The following ACACA variants were observed in gnomAD, a reference collection of about 807,000 sequenced individuals.
ACACA encodes acetyl-CoA carboxylase alpha, also known as acetyl-CoA carboxylase 1.
In ACACA, 103 loss-of-function variants were observed where a neutral mutation model predicts 296.1. That is an observed-to-expected ratio of 0.35 (90% CI 0.30 to 0.41). The LOEUF is 0.41. Among genes scored for constraint, ACACA ranks in the 10% least tolerant of loss-of-function variants. ACACA has a pLI of 1.00. For synonymous variants in ACACA, 953 were observed against 1,038.6 expected (o/e 0.92, Z 1.58); for missense variants, 1,554 against 2,989.7 (o/e 0.52, Z 11.20).
intron 16 of ACACA, 60 bp downstream of exon 16, chr17:37,251,945 T>A: frequency 2.0e-6 from 3 of 1,464,630 alleles, no homozygotes; most frequent in Non-Finnish European, 2.9e-6. Context: ...TCTTTGAGCT[T>A]CAGTCCCTGT....
At chr17:37,383,018 T>C (rs571472695) in intron 1 of ACACA, among the ~76,000 whole-genome samples, 12 of 152,206 alleles carry the variant, frequency 7.9e-5, no homozygotes, top group Non-Finnish European at 1.8e-4. Context: ...GTCTGGGCAA[T>C]AGAGCGAGAC....
At position 37,258,297 on chromosome 17, in the gene ACACA, G is replaced by A; in HGVS notation, c.1577C>T (p.Pro526Leu). Residue 526 changes from proline to leucine, a missense_variant, in exon 13 of 56, where the codon CCC becomes CTC. By Grantham distance (98) the Pro-to-Leu change is moderately conservative. Transcript: ENST00000616317. ...MYGVSPWGDS[P>L]IDFEDSAHVP... is the part of the protein sequence containing the mutation. ...GTGTGCAGAATCTTCAAAATCAATG[G>A]GAGAATCACCCCAGGGAGATACCCC... 1.2e-6 allele frequency: 2 copies of A among 1,613,976 alleles called. No homozygotes were observed. Among genetic ancestry groups the A allele is most frequent in the Non-Finnish European group, 1.7e-6 (2 of 1,179,934 alleles).
At chr17:37,238,283 C>T (rs2080211585) in intron 24 of ACACA, among the ~76,000 whole-genome samples, 1 of 148,268 alleles carries the variant, frequency 6.7e-6, no homozygotes, top group African/African-American at 2.5e-5. Context: ...TTCTTTCTTT[C>T]CTCTTTTTTT....
chr17:37,200,251 G>A (rs887493963), intron 34 of ACACA, 68 bp from the exon 35 acceptor site: 1 of 1,444,272 alleles, frequency 6.9e-7, no homozygotes, highest in African/African-American at 1.4e-5. Flanking sequence ...AAATCAAAAA[G>A]AAATTGAGTA....
chr17:37,139,861 G>T (rs1476440371), intron 45 of ACACA, among the ~76,000 whole-genome samples: 3 of 152,036 alleles, frequency 2.0e-5, no homozygotes, highest in African/African-American at 7.3e-5. Context: ...CACTACATTT[G>T]TTCTTGAGAC....
At chr17:37,170,961 T>C (rs556011660) in intron 41 of ACACA, among the ~76,000 whole-genome samples, 1 of 152,186 alleles carries the variant, frequency 6.6e-6, no homozygotes, top group Non-Finnish European at 1.5e-5. Flanking sequence ...GTGAAAGACA[T>C]ATCCATCAAC....
intron 41 of ACACA, among the ~76,000 whole-genome samples, chr17:37,171,612 T>C (rs952594027): frequency 6.6e-6 from 1 of 152,168 alleles, no homozygotes; most frequent in Non-Finnish European, 1.5e-5. Flanking sequence ...GCCTTATGGC[T>C]TACTTCAAAA....
At chr17:37,309,502 AG>A (rs1228572841) in intron 3 of ACACA, among the ~76,000 whole-genome samples, 1 of 152,224 alleles carries the variant, frequency 6.6e-6, no homozygotes, top group African/African-American at 2.4e-5. Context: ...TGGGAAAAAA[AG>A]GAACACTGTA....
At chr17:37,139,060 G>C (rs2075448988) in intron 45 of ACACA, among the ~76,000 whole-genome samples, 1 of 152,172 alleles carries the variant, frequency 6.6e-6, no homozygotes, top group African/African-American at 2.4e-5. Context: ...AGAGAGGAGA[G>C]GGGTTGACAG....
chr17:37,188,617 T>C (rs370262825), intron 38 of ACACA, 137 bp from the exon 39 acceptor site: 2 of 870,166 alleles, frequency 2.3e-6, no homozygotes, highest in Non-Finnish European at 1.8e-6. Context: ...TTACAAAAAG[T>C]GGTCAGATAG....
intron 41 of ACACA, among the ~76,000 whole-genome samples, chr17:37,167,807 A>C (rs2076741525): frequency 6.6e-6 from 1 of 152,010 alleles, no homozygotes; most frequent in Non-Finnish European, 1.5e-5. Flanking sequence ...TAACATTAAG[A>C]GAAGCTGGGA....
chr17:37,356,554 A>G (rs1184032761), intron 1 of ACACA, among the ~76,000 whole-genome samples: 3 of 151,766 alleles, frequency 2.0e-5, no homozygotes, highest in African/African-American at 7.3e-5. Context: ...AATTTTTTGT[A>G]TTTTTAGTAG....
chr17:37,225,458 C>A, intron 26 of ACACA: 2 of 259,820 alleles, frequency 7.7e-6, no homozygotes, highest in Non-Finnish European at 1.5e-5. Flanking sequence ...GGAATCAGGT[C>A]TGGCAGGGAG....
At chr17:37,329,994 G>A (rs918135866) in intron 3 of ACACA, among the ~76,000 whole-genome samples, 179 bp downstream of exon 3, 3 of 152,004 alleles carry the variant, frequency 2.0e-5, no homozygotes, top group African/African-American at 7.2e-5. Flanking sequence ...AAATTTGATG[G>A]GAACATACAT....
At chr17:37,149,393 C>T (rs1361769023) in intron 45 of ACACA, among the ~76,000 whole-genome samples, 2 of 152,154 alleles carry the variant, frequency 1.3e-5, no homozygotes, top group Non-Finnish European at 2.9e-5. Context: ...TAGGCCGGTA[C>T]CTAATTCATG....
chr17:37,371,895 G>A (rs1463749058), intron 1 of ACACA, among the ~76,000 whole-genome samples: 4 of 151,396 alleles, frequency 2.6e-5, no homozygotes, highest in Admixed American at 1.3e-4. Flanking sequence ...GCGAGACTAC[G>A]TCTCAAAAAA....
chr17:37,149,752 C>CT (rs2075961370), intron 45 of ACACA, 112 bp downstream of exon 45: 2 of 923,908 alleles, frequency 2.2e-6, no homozygotes. Context: ...AAGAGATAGA[C>CT]TGAGGAAGGC....
At position 37,263,678 on chromosome 17, in the gene ACACA, T is replaced by C. The variant is rs753582684; in HGVS notation, c.1329+7A>G. 5.6e-6 allele frequency: 9 copies of C among 1,611,418 alleles called. No homozygotes were observed. The Admixed American group carries it at 1.3e-4, about 24-fold the overall frequency. ...AAAACATAAAGTAAGCCTTTTAATA[T>C]ATGTACCTGTTCCATGTGTTCAAAT... On this transcript the variant is annotated splice_region_variant and intron_variant, in intron 11 of 55. Coordinates refer to ENST00000616317, the MANE Select transcript of ACACA (RefSeq NM_198834.3).
At chr17:37,239,156 C>T in intron 24 of ACACA, among the ~76,000 whole-genome samples, 1 of 152,030 alleles carries the variant, frequency 6.6e-6, no homozygotes, top group African/African-American at 2.4e-5. Context: ...TTTTCCTGAA[C>T]TGCTTTTCTA....
Sources: allele counts gnomAD v4.1 joint callset (sites outside exome capture counted in the v4.1 genomes callset), GRCh38; gene constraint gnomAD v4.1.1; transcripts MANE v1.5; gene names NCBI Gene and HGNC (gene_info 2026-07-23, HGNC 2026-07-21).